SLC9D1: variants seen among roughly 807,000 people sequenced by gnomAD.
SLC9D1 encodes the protein putative LAG1-interacting protein.
the SLC9D1 span, among the ~76,000 whole-genome samples, chr13:113,515,890 CAAAAAAA>C: frequency 1.3e-4 from 10 of 79,066 alleles, no homozygotes; most frequent in East Asian, 3.9e-4. Flanking sequence ...GACTCCGTCC[CAAAAAAA>C]AAAAAAAAAA....
At chr13:113,520,734 G>A in the SLC9D1 span, 1 of 1,599,666 alleles carries the variant, frequency 6.3e-7, no homozygotes, top group African/African-American at 1.3e-5. Context: ...CATCTTCTAG[G>A]TAAACGCTTT....
chr13:113,514,874 G>T, the SLC9D1 span, among the ~76,000 whole-genome samples: 43 of 152,276 alleles, frequency 2.8e-4, no homozygotes, highest in East Asian at 8.1e-3. Context: ...GTGCCACCAT[G>T]CCTGGCTAAG....
chr13:113,517,488 A>G, the SLC9D1 span, among the ~76,000 whole-genome samples: 2 of 152,166 alleles, frequency 1.3e-5, no homozygotes, highest in Non-Finnish European at 2.9e-5. Context: ...TTGGCCTCCC[A>G]AAGTGCTGGG....
the SLC9D1 span, among the ~76,000 whole-genome samples, chr13:113,512,514 C>T: frequency 2.1e-5 from 3 of 140,704 alleles, no homozygotes; most frequent in Non-Finnish European, 4.6e-5. Flanking sequence ...GGAGTGTAGA[C>T]GGAGAGGGTT....
the SLC9D1 span, chr13:113,501,702 C>A: frequency 6.6e-7 from 1 of 1,512,122 alleles, no homozygotes; most frequent in Non-Finnish European, 9.1e-7. Context: ...CAGCCCCCTT[C>A]TTACCACTGT....
At chr13:113,518,513 G>A in the SLC9D1 span, among the ~76,000 whole-genome samples, 2 of 152,234 alleles carry the variant, frequency 1.3e-5, no homozygotes, top group Non-Finnish European at 2.9e-5. Flanking sequence ...TAAAAAGTGA[G>A]ATGTAGTGAG....
the SLC9D1 span, chr13:113,500,239 A>T: frequency 1.3e-6 from 1 of 773,730 alleles, no homozygotes; most frequent in Non-Finnish European, 1.9e-6. Flanking sequence ...AACAAGGCAC[A>T]GCCTTCCTTC....
At chr13:113,496,297 C>G in the SLC9D1 span, among the ~76,000 whole-genome samples, 1 of 152,178 alleles carries the variant, frequency 6.6e-6, no homozygotes, top group African/African-American at 2.4e-5. Context: ...TCATACTTTT[C>G]TCTATAGAGA....
At chr13:113,505,456 G>A in the SLC9D1 span, 3 of 152,130 alleles carry the variant, frequency 2.0e-5, no homozygotes, top group African/African-American at 7.2e-5. Context: ...AGCATCTAAC[G>A]GTCAGTTCAG....
the SLC9D1 span, chr13:113,549,813 CT>C: frequency 0.19 from 77,576 of 403,310 alleles, 1 homozygote; most frequent in East Asian, 0.24. Flanking sequence ...CTGGATGTGC[CT>C]TTTTTTTTTT....
chr13:113,533,785 G>A, the SLC9D1 span, among the ~76,000 whole-genome samples: 10 of 152,306 alleles, frequency 6.6e-5, no homozygotes, highest in South Asian at 2.1e-4. Flanking sequence ...GCTGTCAGTC[G>A]AGAATTTTCA....
the SLC9D1 span, chr13:113,503,540 T>C: frequency 1.2e-6 from 2 of 1,614,032 alleles, no homozygotes; most frequent in Non-Finnish European, 1.7e-6. Flanking sequence ...GGGTGTTTTT[T>C]ACTCTTTTTC....
At chr13:113,511,933 G>C in the SLC9D1 span, 1 of 152,144 alleles carries the variant, frequency 6.6e-6, no homozygotes, top group Non-Finnish European at 1.5e-5. Context: ...ATATACACTC[G>C]GAGTCACGGA....
chr13:113,501,708 A>C, the SLC9D1 span: 2 of 1,539,974 alleles, frequency 1.3e-6, no homozygotes, highest in African/African-American at 1.4e-5. Context: ...CCTTCTTACC[A>C]CTGTTATCTT....
chr13:113,548,833 A>T, the SLC9D1 span, among the ~76,000 whole-genome samples: 1 of 152,176 alleles, frequency 6.6e-6, no homozygotes, highest in Non-Finnish European at 1.5e-5. Context: ...GTGGACACTG[A>T]GATGGCCCTG....
At chr13:113,524,488 C>T in the SLC9D1 span, among the ~76,000 whole-genome samples, 1 of 152,150 alleles carries the variant, frequency 6.6e-6, no homozygotes, top group African/African-American at 2.4e-5. Flanking sequence ...GCGTGTGCCA[C>T]CACACCTGGC....
At chr13:113,516,565 C>CAA in the SLC9D1 span, among the ~76,000 whole-genome samples, 4 of 87,144 alleles carry the variant, frequency 4.6e-5, no homozygotes, top group South Asian at 3.5e-4. Context: ...GACTCCATCT[C>CAA]AAAAAAAAAA....
chr13:113,530,278 A>G, the SLC9D1 span: 1 of 152,234 alleles, frequency 6.6e-6, no homozygotes, highest in Non-Finnish European at 1.5e-5. Flanking sequence ...GTATTCTAAC[A>G]TGGATTGTGG....
chr13:113,542,434 C>A, the SLC9D1 span, among the ~76,000 whole-genome samples: 1 of 152,190 alleles, frequency 6.6e-6, no homozygotes, highest in Non-Finnish European at 1.5e-5. Flanking sequence ...GCATTGAAAG[C>A]GGCCAGATCA....
Sources: gnomAD v4.1 joint callset for allele counts (sites outside exome capture counted in the v4.1 genomes callset) on GRCh38, gnomAD v4.1.1 for gene constraint, MANE v1.5 for transcripts, NCBI Gene and HGNC (gene_info 2026-07-23, HGNC 2026-07-21) for gene names.